HDAC9: variants seen among roughly 807,000 people sequenced by gnomAD.
HDAC9 encodes the protein MEF-2 interacting transcription repressor (MITR) protein.
In HDAC9, 41 loss-of-function variants were observed where a neutral mutation model predicts 139.4. The ratio of observed to expected loss-of-function variants is 0.29; its 90% CI spans 0.23 to 0.38. HDAC9 has a LOEUF of 0.38. Ranked by LOEUF, HDAC9 falls within the 10% of genes least tolerant of loss-of-function variation. The probability of loss-of-function intolerance (pLI) is 1.00; values close to 1 mark genes in which losing one functional copy is unlikely to be tolerated. For missense variants in HDAC9, 1,147 were observed against 1,297.0 expected, an observed-to-expected ratio of 0.88 and a Z score of 1.78; for synonymous variants, 517 against 476.2, an observed-to-expected ratio of 1.09 and a Z score of -1.12.
intron 2 of HDAC9, among the ~76,000 whole-genome samples, chr7:18,208,819 A>G (rs971832644): frequency 3.3e-5 from 5 of 152,368 alleles, no homozygotes; most frequent in African/African-American, 9.6e-5. Flanking sequence ...ATGAAAAATA[A>G]AGAGAGACTG....
At chr7:18,404,010 G>C (rs1437765695) in intron 1 of HDAC9, among the ~76,000 whole-genome samples, 2 of 152,168 alleles carry the variant, frequency 1.3e-5, no homozygotes, top group Non-Finnish European at 2.9e-5. Flanking sequence ...GAGTCTTTTA[G>C]AGCTCTCGAG....
In HDAC9 at chr7:18,751,147, A is replaced by G. The variant is rs2301591; in HGVS notation, c.2043+2009A>G. On this transcript the variant is annotated intron_variant, in intron 14 of 25. Coordinates refer to ENST00000686413, the MANE Select transcript of HDAC9 (RefSeq NM_178425.4). ...TCTTTTTCAATTGCTTATATACATTACATTATTTTCATTCTTTATTATTTG... is the reference window on the plus strand; with the variant it reads ...TCTTTTTCAATTGCTTATATACATTGCATTATTTTCATTCTTTATTATTTG... Among the ~76,000 whole-genome samples, 15 of 152,294 alleles carry G rather than the reference A, an allele frequency of 9.8e-5. No individual in the cohort carries two copies. The East Asian group carries it at 2.9e-3, about 29-fold the overall frequency.
At chr7:18,749,892 T>G (rs894978) in intron 14 of HDAC9, among the ~76,000 whole-genome samples, 6 of 151,928 alleles carry the variant, frequency 3.9e-5, no homozygotes, top group African/African-American at 1.5e-4. Context: ...AAAATGCCCT[T>G]CATGGGTTTT....
chr7:18,551,592 CTG>C (rs1270823218), intron 2 of HDAC9, among the ~76,000 whole-genome samples: 1 of 152,198 alleles, frequency 6.6e-6, no homozygotes, highest in African/African-American at 2.4e-5. Context: ...AATTACTAAA[CTG>C]TGTCTCTTAC....
chr7:18,389,779 C>G (rs1786282945), intron 1 of HDAC9, among the ~76,000 whole-genome samples: 1 of 152,068 alleles, frequency 6.6e-6, no homozygotes, highest in African/African-American at 2.4e-5. Context: ...GAACTGTGAA[C>G]TAATCATTAA....
At chr7:18,158,975 T>C (rs1246848737) in intron 1 of HDAC9, among the ~76,000 whole-genome samples, 1 of 152,232 alleles carries the variant, frequency 6.6e-6, no homozygotes, top group Admixed American at 6.5e-5. Flanking sequence ...AGAGATGATC[T>C]TTTTGAAGCA....
chr7:18,411,656 T>C (rs926547383), intron 1 of HDAC9, among the ~76,000 whole-genome samples: 23 of 152,158 alleles, frequency 1.5e-4, no homozygotes, highest in African/African-American at 5.1e-4. Flanking sequence ...ATTACAGGCG[T>C]AAGCCACTGT....
At chr7:18,709,209 C>T (rs1784165316) in intron 12 of HDAC9, among the ~76,000 whole-genome samples, 1 of 152,122 alleles carries the variant, frequency 6.6e-6, no homozygotes, top group African/African-American at 2.4e-5. Context: ...ACCTCCCCAG[C>T]AGGCCCTGGT....
chr7:18,137,820 A>T (rs376312290), intron 1 of HDAC9, among the ~76,000 whole-genome samples: 1 of 152,204 alleles, frequency 6.6e-6, no homozygotes, highest in Admixed American at 6.5e-5. Flanking sequence ...CTGGCCTCAT[A>T]AAATGAGTTA....
At chr7:18,954,356 A>G (rs1735775048) in intron 24 of HDAC9, 126 bp downstream of exon 24, 3 of 756,838 alleles carry the variant, frequency 4.0e-6, no homozygotes, top group Non-Finnish European at 2.1e-6. Flanking sequence ...TCTTAAGTAT[A>G]TATCTTAATG....
Position 18,496,344 on chromosome 7 carries a change from C to CT in HDAC9, c.22+21dup. The CT allele has an allele frequency of 6.2e-7, 1 of 1,609,676 alleles. No individual in the cohort carries two copies. Among genetic ancestry groups the CT allele is most frequent in the Middle Eastern group, 1.7e-4 (1 of 6,050 alleles). ...GCTCAGGTAAGATCCTCTTTCATAA[C>CT]TGAGACGTTTTAGGTTTGAAAGGGG... On this transcript the variant is annotated intron_variant, in intron 2 of 25. Transcript: ENST00000686413.
intron 13 of HDAC9, among the ~76,000 whole-genome samples, chr7:18,741,463 T>C (rs970837216): frequency 2.0e-5 from 3 of 152,146 alleles, no homozygotes; most frequent in Non-Finnish European, 2.9e-5. Flanking sequence ...GATTTTAAGC[T>C]CAATTTTTAG....
chr7:18,607,430 C>T (rs761012763), intron 6 of HDAC9, among the ~76,000 whole-genome samples: 15 of 152,182 alleles, frequency 9.9e-5, no homozygotes, highest in Non-Finnish European at 1.9e-4. Context: ...TTCTCTGAGC[C>T]TCAGTTTCTT....
At chr7:18,629,788 T>C (rs191105605) in intron 7 of HDAC9, among the ~76,000 whole-genome samples, 1 of 152,252 alleles carries the variant, frequency 6.6e-6, no homozygotes, top group Non-Finnish European at 1.5e-5. Flanking sequence ...CAGGAGAATA[T>C]AATTTTTAAT....
intron 17 of HDAC9, among the ~76,000 whole-genome samples, chr7:18,811,600 A>G (rs1462806785): frequency 6.6e-6 from 1 of 151,784 alleles, no homozygotes; most frequent in Non-Finnish European, 1.5e-5. Flanking sequence ...CATTTTCTGT[A>G]GAGCTTTAAT....
At chr7:18,259,803 G>T (rs1448986640) in intron 2 of HDAC9, among the ~76,000 whole-genome samples, 2 of 151,894 alleles carry the variant, frequency 1.3e-5, no homozygotes, top group African/African-American at 4.8e-5. Flanking sequence ...ACTTTTATTG[G>T]GTAATAAAAG....
At chr7:18,991,568 C>T (rs867987049) in intron 25 of HDAC9, among the ~76,000 whole-genome samples, 15 of 151,186 alleles carry the variant, frequency 9.9e-5, no homozygotes, top group Middle Eastern at 3.4e-3. Flanking sequence ...ACTCAGGAGG[C>T]GGAGCTTGCA....
chr7:18,106,861 C>T (rs912360653), intron 1 of HDAC9, among the ~76,000 whole-genome samples: 1 of 151,418 alleles, frequency 6.6e-6, no homozygotes, highest in Non-Finnish European at 1.5e-5. Context: ...CTCCTGGAAT[C>T]CCTTTTTATA....
intron 16 of HDAC9, among the ~76,000 whole-genome samples, chr7:18,772,855 A>C (rs536146939): frequency 6.6e-6 from 1 of 152,232 alleles, no homozygotes; most frequent in East Asian, 1.9e-4. Context: ...AGACTTCGAA[A>C]AAATGCATGA....
Sources: allele counts gnomAD v4.1 joint callset (sites outside exome capture counted in the v4.1 genomes callset), GRCh38; gene constraint gnomAD v4.1.1; transcripts MANE v1.5; gene names NCBI Gene and HGNC (gene_info 2026-07-23, HGNC 2026-07-21).